PFKFB3: variants seen among roughly 807,000 people sequenced by gnomAD.
PFKFB3 encodes the protein 6-phosphofructo-2-kinase/fructose-2,6-biphosphatase 3.
A neutral mutation model predicts 68.0 loss-of-function variants in PFKFB3; 33 were observed. That is an observed-to-expected ratio of 0.49 (90% CI 0.37 to 0.65). The LOEUF (loss-of-function observed/expected upper bound fraction) is 0.65, where lower values mean the gene tolerates loss of function less well. PFKFB3 is among the 30% of genes least tolerant of loss of function. The pLI is 0.00. For missense variants in PFKFB3, 586 were observed against 712.2 expected (o/e 0.82, Z 2.02); for synonymous variants, 315 against 288.2 (o/e 1.09, Z -0.94).
Position 6,203,112 on chromosome 10 carries a change from G to A in PFKFB3, c.-149G>A. The stretch of plus-strand genomic sequence containing the variant: ...GCGAGGGTCCGGAACTTAGCCCAAA[G>A]CACGTTTCCCCTGGCAGCGCAGGAA... On this transcript the variant is annotated 5_prime_UTR_variant, in exon 1 of 15. Coordinates refer to ENST00000379775, the MANE Select transcript of PFKFB3 (RefSeq NM_004566.4). The A allele has an allele frequency of 6.8e-7, 1 of 1,474,354 alleles. No homozygotes were observed. The highest frequency in any genetic ancestry group is 9.0e-7 in the Non-Finnish European group (1 of 1,116,286). The allele number at this position is 1,474,354 out of a possible 1,614,324, so 91.3% of individuals were successfully genotyped here.
upstream of PFKFB3, among the ~76,000 whole-genome samples, chr10:6,198,454 A>G (rs1317947369): frequency 1.3e-5 from 2 of 152,068 alleles, no homozygotes; most frequent in Non-Finnish European, 2.9e-5. Flanking sequence ...AGTCCACTAG[A>G]TTGGAGAAAA....
chr10:6,293,336 G>A, the PFKFB3 span: 2 of 297,032 alleles, frequency 6.7e-6, no homozygotes, highest in South Asian at 3.6e-5. Flanking sequence ...CACTATGGAT[G>A]TTATCTTTTC....
Position 6,154,954 on chromosome 10 carries a change from G to A in PFKFB3, c.16+9941G>A, listed in dbSNP as rs555532913. Among the ~76,000 whole-genome samples the A allele has an allele frequency of 1.3e-5, 2 of 152,288 alleles. No homozygotes were observed. Among genetic ancestry groups the A allele is most frequent in the East Asian group, 3.9e-4 (2 of 5,170 alleles). The stretch of plus-strand genomic sequence containing the variant: ...TGAGTGGCCCGTAGGAGGTCATGGT[G>A]ACCTCCATGAGCAGCTCTGTTTCTG... On this transcript the variant is annotated intron_variant, in intron 1 of 14. Transcript: ENST00000379789. The surrounding 1 kb of genome is among the most constrained non-coding windows in gnomAD (Gnocchi z 4.6).
At chr10:6,167,604 A>G (rs1842182328) in intron 1 of PFKFB3, among the ~76,000 whole-genome samples, 2 of 152,218 alleles carry the variant, frequency 1.3e-5, no homozygotes, top group South Asian at 4.1e-4. Flanking sequence ...TAGCTAGCAG[A>G]TGTGATTACA....
intron 1 of PFKFB3, among the ~76,000 whole-genome samples, chr10:6,176,485 G>A (rs555328958): frequency 1.3e-5 from 2 of 152,152 alleles, no homozygotes; most frequent in Non-Finnish European, 2.9e-5. Context: ...ATCGCTCACT[G>A]CAACCTCGAA....
At chr10:6,202,911 C>T (rs553359827), upstream of PFKFB3, 32 of 1,168,584 alleles carry the variant, frequency 2.7e-5, no homozygotes, top group South Asian at 3.5e-4. Flanking sequence ...CTTTAAAAGC[C>T]GGCGGTGCGC....
At chr10:6,214,353 C>T (rs995727712) in intron 2 of PFKFB3, among the ~76,000 whole-genome samples, 2 of 130,292 alleles carry the variant, frequency 1.5e-5, no homozygotes, top group Admixed American at 1.5e-4. Context: ...ATCCCAAAGC[C>T]GTACACCCAC....
At chr10:6,219,915 T>A (rs1041959854) in intron 7 of PFKFB3, among the ~76,000 whole-genome samples, 1 of 152,040 alleles carries the variant, frequency 6.6e-6, no homozygotes, top group Non-Finnish European at 1.5e-5. Flanking sequence ...CAACTCTCTT[T>A]GAAAATATCT....
intron 1 of PFKFB3, among the ~76,000 whole-genome samples, chr10:6,165,956 A>T (rs1268270554): frequency 1.3e-5 from 2 of 148,430 alleles, no homozygotes; most frequent in Non-Finnish European, 3.0e-5. Context: ...CTGGGATTAC[A>T]GGCGTGGATC....
At chr10:6,303,639 C>T in the PFKFB3 span, among the ~76,000 whole-genome samples, 220 of 151,754 alleles carry the variant, frequency 1.4e-3, 2 homozygotes, top group Non-Finnish European at 2.7e-3. Context: ...ATAGTGAAAC[C>T]CCATCTCTAC....
intron 1 of PFKFB3, among the ~76,000 whole-genome samples, chr10:6,212,225 C>G (rs1474082475): frequency 6.6e-6 from 1 of 152,232 alleles, no homozygotes; most frequent in African/African-American, 2.4e-5. Context: ...GGCCCTGGAG[C>G]TTGCATGTCG....
At chr10:6,312,158 C>T in the PFKFB3 span, among the ~76,000 whole-genome samples, 1 of 152,032 alleles carries the variant, frequency 6.6e-6, no homozygotes, top group Non-Finnish European at 1.5e-5. Context: ...GGCTGTCTGT[C>T]GTCATCTCTT....
chr10:6,197,342 T>A (rs2131838462), intron 1 of PFKFB3, among the ~76,000 whole-genome samples: 1 of 152,286 alleles, frequency 6.6e-6, no homozygotes, highest in South Asian at 2.1e-4. Context: ...GCCTACAGTA[T>A]TCTGTAGAGT....
Position 6,221,523 on chromosome 10 carries a change from A to G in PFKFB3, c.974A>G (p.Asp325Gly). ...YEQWKALNEIDAGVCEELTYE... is the reference protein window; with the variant it reads ...YEQWKALNEIGAGVCEELTYE... ...CAGTGGAAGGCGCTCAATGAGATCGACGCGGTGAGTCCTGGGAGGCGGGCA... is the reference window on the plus strand; with the variant it reads ...CAGTGGAAGGCGCTCAATGAGATCGGCGCGGTGAGTCCTGGGAGGCGGGCA... The change falls in exon 9 of 15, where the codon GAC becomes GGC. Residue 325 changes from aspartate to glycine, a missense_variant. Transcript: ENST00000379775. The G allele has an allele frequency of 6.2e-7, 1 of 1,613,166 alleles. No individual in the cohort carries two copies. Among genetic ancestry groups the G allele is most frequent in the Non-Finnish European group, 8.5e-7 (1 of 1,179,964 alleles).
At chr10:6,249,906 CATTGT>C (rs1846343544) in intron 14 of PFKFB3, among the ~76,000 whole-genome samples, 1 of 152,174 alleles carries the variant, frequency 6.6e-6, no homozygotes. Context: ...AGTTATTCCA[CATTGT>C]ATTCATAAAT....
At chr10:6,173,884 C>G (rs903023642) in intron 1 of PFKFB3, among the ~76,000 whole-genome samples, 1 of 152,060 alleles carries the variant, frequency 6.6e-6, no homozygotes, top group Admixed American at 6.6e-5. Context: ...GAAGATGAGT[C>G]CCTGTCAGCG....
chr10:6,153,151 G>T (rs185652841), intron 1 of PFKFB3, among the ~76,000 whole-genome samples: 1 of 150,216 alleles, frequency 6.7e-6, no homozygotes, highest in East Asian at 2.0e-4. Flanking sequence ...CAGCCTGGGA[G>T]ACACAGCGAG....
intron 1 of PFKFB3, 132 bp downstream of exon 1, chr10:6,203,468 G>T (rs543722189): frequency 8.3e-6 from 3 of 361,098 alleles, no homozygotes; most frequent in African/African-American, 6.6e-5. Context: ...GGGCGGGGCG[G>T]AGGCGCGGGC....
upstream of PFKFB3, among the ~76,000 whole-genome samples, chr10:6,198,868 A>G (rs1843245030): frequency 1.3e-5 from 2 of 152,218 alleles, no homozygotes; most frequent in Admixed American, 6.5e-5. Flanking sequence ...TAGTTTATCC[A>G]TTTACCTACC....
Sources: allele counts gnomAD v4.1 joint callset (sites outside exome capture counted in the v4.1 genomes callset), GRCh38; gene constraint gnomAD v4.1.1; non-coding constraint Gnocchi (gnomAD v3.1); transcripts MANE v1.5; gene names NCBI Gene and HGNC (gene_info 2026-07-23, HGNC 2026-07-21).